Variants in RIMBP2 observed in about 807,000 individuals in gnomAD.
RIMBP2 encodes RIMS binding protein 2.
In RIMBP2, 48 loss-of-function variants were observed where a neutral mutation model predicts 118.6. The ratio of observed to expected loss-of-function variants is 0.40; its 90% CI spans 0.32 to 0.51. RIMBP2 has a LOEUF of 0.51. Among genes scored for constraint, RIMBP2 ranks in the 20% least tolerant of loss-of-function variants. The pLI, the probability that RIMBP2 is intolerant of heterozygous loss-of-function variation, is 0.41. For missense variants in RIMBP2, 1,551 were observed against 1,768.3 expected, an observed-to-expected ratio of 0.88 and a Z score of 2.20; for synonymous variants, 762 against 742.9, an observed-to-expected ratio of 1.03 and a Z score of -0.42.
chr12:130,713,455 G>A (rs1256497394), intron 1 of RIMBP2, among the ~76,000 whole-genome samples: 2 of 151,654 alleles, frequency 1.3e-5, no homozygotes. Context: ...ACACCATAGG[G>A]GATCAGACAG....
chr12:130,489,662 C>A (rs1381665805), intron 4 of RIMBP2, among the ~76,000 whole-genome samples: 3 of 152,162 alleles, frequency 2.0e-5, no homozygotes, highest in African/African-American at 7.2e-5. Context: ...AGAGGTGATG[C>A]CAGGTTCACA....
chr12:130,412,487 C>T (rs34004451), intron 19 of RIMBP2, 132 bp downstream of exon 19: 238,156 of 854,968 alleles, frequency 0.28, 37,344 homozygotes, highest in Non-Finnish European at 0.33. Flanking sequence ...AATCACTGGT[C>T]AACATTTACA....
intron 11 of RIMBP2, 120 bp from the exon 12 acceptor site, chr12:130,438,636 A>G: frequency 1.5e-6 from 1 of 680,114 alleles, no homozygotes; most frequent in Non-Finnish European, 2.2e-6. Context: ...CCAGGGAAAA[A>G]GAGAAGACAG....
At chr12:130,517,344 A>T (rs1490543172) in intron 3 of RIMBP2, among the ~76,000 whole-genome samples, 1 of 152,160 alleles carries the variant, frequency 6.6e-6, no homozygotes. Context: ...CCTCAACCTT[A>T]GATTCTCAGC....
chr12:130,435,775 GGAGGTGCT>G (rs1175198095), intron 13 of RIMBP2, among the ~76,000 whole-genome samples: 1 of 152,260 alleles, frequency 6.6e-6, no homozygotes, highest in African/African-American at 2.4e-5. Flanking sequence ...CAGTTTTTCA[GGAGGTGCT>G]GAGGTGCTGC....
Position 130,586,738 on chromosome 12 carries a change from T to G in RIMBP2, c.-217+41584A>C, listed in dbSNP as rs1460723183. Among the ~76,000 whole-genome samples the G allele has an allele frequency of 2.5e-5, 3 of 118,112 alleles. No homozygotes were observed. In the East Asian group the frequency reaches 7.1e-4, roughly 28 times the overall value. The allele number at this position is 118,112 out of a possible 152,430, so 77.5% of individuals were successfully genotyped here. The stretch of plus-strand genomic sequence containing the variant: ...ACCATAAAAACCCTAGAAGAAAACC[T>G]AGGCATTACCATTCAGGACATAGGC... On this transcript the variant is annotated intron_variant, in intron 2 of 22. Coordinates refer to ENST00000690449, the MANE Select transcript of RIMBP2 (RefSeq NM_001393629.1).
At chr12:130,625,679 C>T (rs1048083015) in intron 2 of RIMBP2, among the ~76,000 whole-genome samples, 1 of 152,128 alleles carries the variant, frequency 6.6e-6, no homozygotes, top group African/African-American at 2.4e-5. Flanking sequence ...TTCCAAGCAG[C>T]CAACAATCTA....
chr12:130,627,981 C>T (rs1470487713), intron 2 of RIMBP2, among the ~76,000 whole-genome samples: 1 of 152,204 alleles, frequency 6.6e-6, no homozygotes, highest in Non-Finnish European at 1.5e-5. Flanking sequence ...GGACATTGTT[C>T]TTGAGATTTA....
chr12:130,407,915 C>T (rs961698275), intron 19 of RIMBP2, 86 bp from the exon 20 acceptor site: 2 of 1,201,398 alleles, frequency 1.7e-6, no homozygotes, highest in Non-Finnish European at 2.5e-6. Flanking sequence ...TCACACATGG[C>T]CAATACAGCC....
intron 22 of RIMBP2, chr12:130,398,565 CA>C (rs1334713649): frequency 6.6e-6 from 1 of 152,612 alleles, no homozygotes; most frequent in Non-Finnish European, 1.5e-5. Context: ...ACTTCTGTCA[CA>C]GGATGATTGT....
chr12:130,514,737 A>G (rs767860966), intron 3 of RIMBP2, among the ~76,000 whole-genome samples: 1 of 152,166 alleles, frequency 6.6e-6, no homozygotes, highest in Non-Finnish European at 1.5e-5. Flanking sequence ...CTCCTGTCCT[A>G]AGAAAGTCAC....
chr12:130,694,922 A>T (rs1651973184), intron 1 of RIMBP2, among the ~76,000 whole-genome samples: 1 of 152,138 alleles, frequency 6.6e-6, no homozygotes, highest in Non-Finnish European at 1.5e-5. Context: ...GGGTACACAA[A>T]CAGAACCCAG....
Position 130,422,511 on chromosome 12 carries a change from C to G in RIMBP2, c.3180G>C (p.Arg1060Ser), listed in dbSNP as rs754657085. Residue 1060 changes from arginine to serine, a missense_variant, in exon 17 of 23, where the codon AGG becomes AGC. Physicochemically the swap from Arg to Ser is moderately radical, Grantham distance 110. Transcript: ENST00000690449. This position sits in a 1 kb window ranked among gnomAD's most constrained non-coding sequence, Gnocchi z 5.2. The part of the protein sequence containing the change: ...SAGRVDHMGR[R>S]FPRGSAGPQR... Reference sequence around the variant, plus strand: ...GAGGACCAGCGCTGCCACGGGGAAACCTCCGGCCCATGTGATCCACCCGTC... The same window carrying G: ...GAGGACCAGCGCTGCCACGGGGAAAGCTCCGGCCCATGTGATCCACCCGTC... The G allele has an allele frequency of 1.9e-6, 3 of 1,613,148 alleles. No homozygotes were observed. The highest frequency in any genetic ancestry group is 2.5e-6 in the Non-Finnish European group (3 of 1,179,630).
chr12:130,486,996 C>T (rs1365806130), intron 4 of RIMBP2, among the ~76,000 whole-genome samples: 1 of 152,170 alleles, frequency 6.6e-6, no homozygotes, highest in African/African-American at 2.4e-5. Context: ...CTGCCAACTG[C>T]ACCGGGAACA....
chr12:130,677,873 C>T (rs779238920), intron 1 of RIMBP2, among the ~76,000 whole-genome samples: 1 of 152,366 alleles, frequency 6.6e-6, no homozygotes, highest in South Asian at 2.1e-4. Flanking sequence ...CATTACACCT[C>T]GTTACCATTT....
At chr12:130,461,625 G>C (rs2137637761) in intron 6 of RIMBP2, among the ~76,000 whole-genome samples, 1 of 152,266 alleles carries the variant, frequency 6.6e-6, no homozygotes, top group Middle Eastern at 3.4e-3. Flanking sequence ...GAGGTGTCTG[G>C]GTCCTGGGGG....
chr12:130,694,984 C>T (rs1365240169), intron 1 of RIMBP2, among the ~76,000 whole-genome samples: 1 of 152,150 alleles, frequency 6.6e-6, no homozygotes, highest in African/African-American at 2.4e-5. Context: ...AGCGAGATCC[C>T]ACAACAGATC....
chr12:130,489,567 G>A (rs1338324919), intron 4 of RIMBP2, among the ~76,000 whole-genome samples: 2 of 152,116 alleles, frequency 1.3e-5, no homozygotes, highest in East Asian at 3.9e-4. Flanking sequence ...TCCGTCTCCT[G>A]TAGAGGCTCC....
At chr12:130,520,500 A>T (rs2051970037) in intron 2 of RIMBP2, among the ~76,000 whole-genome samples, 1 of 150,018 alleles carries the variant, frequency 6.7e-6, no homozygotes, top group South Asian at 2.2e-4. Flanking sequence ...CGCCTCTACT[A>T]AAAACACACA....
Sources: allele counts gnomAD v4.1 joint callset (sites outside exome capture counted in the v4.1 genomes callset), GRCh38; gene constraint gnomAD v4.1.1; non-coding constraint Gnocchi (gnomAD v3.1); transcripts MANE v1.5; gene names NCBI Gene and HGNC (gene_info 2026-07-23, HGNC 2026-07-21).